The following TTC27 variants were observed in gnomAD, a reference collection of about 807,000 sequenced individuals.
TTC27 encodes tetratricopeptide repeat domain 27, also known as tetratricopeptide repeat protein 27.
Under a neutral mutation model 115.9 loss-of-function variants are expected in TTC27, and 79 were observed. The observed-to-expected ratio is 0.68, with a 90% CI of 0.57 to 0.82. TTC27 has a LOEUF of 0.82. Ranked by LOEUF, TTC27 falls within the 40% of genes least tolerant of loss-of-function variation. The pLI is 0.00. For missense variants in TTC27, 1,054 were observed against 993.1 expected (o/e 1.06, Z -0.82); for synonymous variants, 401 against 356.0 (o/e 1.13, Z -1.42).
chr2:32,804,089 G>A (rs889300351), intron 16 of TTC27, among the ~76,000 whole-genome samples: 5 of 151,542 alleles, frequency 3.3e-5, no homozygotes, highest in African/African-American at 9.7e-5. Flanking sequence ...AAATGTTTAA[G>A]GAAATGGAAA....
intron 10 of TTC27, among the ~76,000 whole-genome samples, chr2:32,715,091 T>A (rs1252976193): frequency 6.6e-6 from 1 of 152,258 alleles, no homozygotes; most frequent in Non-Finnish European, 1.5e-5. Context: ...GTTCCATTTG[T>A]CAATTTTTGT....
chr2:32,631,193 C>T (rs1052861389), intron 2 of TTC27, among the ~76,000 whole-genome samples: 3 of 152,066 alleles, frequency 2.0e-5, no homozygotes, highest in Non-Finnish European at 4.4e-5. Flanking sequence ...ATCCCAGCTG[C>T]TAGGGAGGCT....
At chr2:32,656,091 A>G (rs1665305036) in intron 5 of TTC27, among the ~76,000 whole-genome samples, 1 of 151,634 alleles carries the variant, frequency 6.6e-6, no homozygotes, top group Non-Finnish European at 1.5e-5. Context: ...CCAATTTCAT[A>G]ATGTCTTTTT....
chr2:32,778,935 C>A (rs531611065), intron 14 of TTC27, among the ~76,000 whole-genome samples: 36 of 152,218 alleles, frequency 2.4e-4, no homozygotes, highest in African/African-American at 8.7e-4. Context: ...TCCAAAGTAC[C>A]ATTTTAGGCC....
chr2:32,758,584 A>C lies in TTC27; in HGVS notation c.1680+65A>C. 3 of 1,458,214 alleles carry C rather than the reference A, an allele frequency of 2.1e-6. No homozygotes were observed. The South Asian group carries it at 3.6e-5, about 17-fold the overall frequency. 90.3% of individuals were successfully genotyped at this position (1,458,214 alleles called of 1,614,324 possible). A position where few individuals can be genotyped will look rare whatever the true frequency, so the allele number is the denominator to read the frequency against. On this transcript the variant is annotated intron_variant, in intron 13 of 19. Transcript: ENST00000317907. ...TGCTGTTCTTTGGATTTGATCTTACAGAATGAGTACCCATTTTCTAACCTG... is the reference window on the plus strand; with the variant it reads ...TGCTGTTCTTTGGATTTGATCTTACCGAATGAGTACCCATTTTCTAACCTG...
chr2:32,650,390 A>C (rs1392252740), intron 5 of TTC27, among the ~76,000 whole-genome samples, 157 bp downstream of exon 5: 8 of 143,020 alleles, frequency 5.6e-5, no homozygotes, highest in African/African-American at 2.1e-4. Flanking sequence ...AGAATATCAC[A>C]AGTTGTTATG....
At chr2:32,635,501 A>G (rs1278568634) in intron 3 of TTC27, among the ~76,000 whole-genome samples, 1 of 152,060 alleles carries the variant, frequency 6.6e-6, no homozygotes, top group East Asian at 1.9e-4. Context: ...CCTGATCAAC[A>G]TGGTGAAACT....
chr2:32,786,687 C>T (rs915913014), intron 15 of TTC27, among the ~76,000 whole-genome samples: 5 of 152,152 alleles, frequency 3.3e-5, no homozygotes, highest in African/African-American at 7.2e-5. Context: ...TTGAGTGTGC[C>T]TTCTCCTGAG....
In TTC27 at chr2:32,773,664, G is replaced by A. The variant is rs577242357; in HGVS notation, c.1681-4218G>A. Among the ~76,000 whole-genome samples the A allele has an allele frequency of 5.9e-5, 9 of 152,322 alleles. 1 individual carries two copies. The South Asian group carries it at 1.9e-3, about 32-fold the overall frequency. On this transcript the variant is annotated intron_variant, in intron 13 of 19. Coordinates refer to ENST00000317907, the MANE Select transcript of TTC27 (RefSeq NM_017735.5). ...TGAGATTGACCACCTTGCAGGGTGGGTGTGAGGAACGCATGAGTAATGTGT... is the reference window on the plus strand; with the variant it reads ...TGAGATTGACCACCTTGCAGGGTGGATGTGAGGAACGCATGAGTAATGTGT...
At position 32,702,821 on chromosome 2, in the gene TTC27, A is replaced by G. The variant is rs1194254871; in HGVS notation, c.1134A>G (p.Gln378=). ...GCTTCTATCAGTGTTTGCTTTCACA[A>G]CCAAAGTTCTGGGCCATTCAGACAT... is the stretch of plus-strand genomic sequence containing the variant. The part of the protein sequence containing the change: ...LLAFTSCLLS[Q]PKFWAIQTSA... Residue 378 remains glutamine (Q), a synonymous_variant, in exon 10 of 20, where the codon CAA becomes CAG. Transcript: ENST00000317907. The G allele has an allele frequency of 3.1e-6, 5 of 1,613,498 alleles. No homozygotes were observed. The highest frequency in any genetic ancestry group is 2.7e-5 in the African/African-American group (2 of 74,908).
At chr2:32,635,013 AG>A (rs1559179499) in intron 3 of TTC27, among the ~76,000 whole-genome samples, 1 of 152,134 alleles carries the variant, frequency 6.6e-6, no homozygotes, top group African/African-American at 2.4e-5. Flanking sequence ...GTTTGCTCCC[AG>A]GGGTGGCTTT....
At chr2:32,708,301 C>CTTTTTTTTT (rs1159740039) in intron 10 of TTC27, among the ~76,000 whole-genome samples, 1 of 80,258 alleles carries the variant, frequency 1.2e-5, no homozygotes, top group African/African-American at 5.4e-5. Context: ...TTTTCTCTAC[C>CTTTTTTTTT]TTGTTTTTTT....
At chr2:32,759,468 C>T (rs1669358744) in intron 13 of TTC27, among the ~76,000 whole-genome samples, 1 of 152,014 alleles carries the variant, frequency 6.6e-6, no homozygotes, top group East Asian at 1.9e-4. Flanking sequence ...TTTAAAAGTA[C>T]AGTTCAGTGC....
At chr2:32,728,673 G>C (rs1668193327) in intron 10 of TTC27, among the ~76,000 whole-genome samples, 1 of 152,122 alleles carries the variant, frequency 6.6e-6, no homozygotes. Context: ...AGTCTGACAG[G>C]CTCACCTATT....
intron 12 of TTC27, among the ~76,000 whole-genome samples, chr2:32,748,848 C>A (rs147607585): frequency 6.6e-6 from 1 of 151,772 alleles, no homozygotes; most frequent in Non-Finnish European, 1.5e-5. Flanking sequence ...CCACCATGCC[C>A]GGCTAATTTT....
chr2:32,794,895 CAAG>C (rs1183522522), intron 16 of TTC27, among the ~76,000 whole-genome samples: 1 of 151,760 alleles, frequency 6.6e-6, no homozygotes. Flanking sequence ...CATAAAGAAA[CAAG>C]AAATCTGAAT....
At chr2:32,728,082 C>T (rs1298887714) in intron 10 of TTC27, among the ~76,000 whole-genome samples, 4 of 148,428 alleles carry the variant, frequency 2.7e-5, no homozygotes, top group Non-Finnish European at 5.9e-5. Flanking sequence ...TCGCTGTCGC[C>T]CAGGCTGGAG....
In TTC27 at chr2:32,820,947, GAAGCAGATTCTGGAA is replaced by G. The variant is rs16349; in HGVS notation, c.*13_*27del. The G allele has an allele frequency of 0.081, 119,862 of 1,478,832 alleles. 6,364 individuals are homozygous for G. The highest frequency in any genetic ancestry group is 0.25 in the African/African-American group (17,590 of 71,602). The allele number at this position is 1,478,832 out of a possible 1,614,324, so 91.6% of individuals were successfully genotyped here. On this transcript the variant is annotated 3_prime_UTR_variant, in exon 20 of 20. Coordinates refer to ENST00000317907, the MANE Select transcript of TTC27 (RefSeq NM_017735.5). ...TTCGAAATCAGTATTGATTCTGCTG[GAAGCAGATTCTGGAA>G]AAGGTGCTTTCACCTGCTGGTAAAA...
chr2:32,711,187 T>G (rs554541719), intron 10 of TTC27, among the ~76,000 whole-genome samples: 1 of 152,146 alleles, frequency 6.6e-6, no homozygotes, highest in African/African-American at 2.4e-5. Context: ...TCTGGCATTT[T>G]ACCTTTGCAT....
Sources: allele counts gnomAD v4.1 joint callset (sites outside exome capture counted in the v4.1 genomes callset), GRCh38; gene constraint gnomAD v4.1.1; transcripts MANE v1.5; gene names NCBI Gene and HGNC (gene_info 2026-07-23, HGNC 2026-07-21).